The following PPP4R3B variants were observed in gnomAD, a reference collection of about 807,000 sequenced individuals.
The protein encoded by PPP4R3B is protein phosphatase 4 regulatory subunit 3B.
Under a neutral mutation model 95.4 loss-of-function variants are expected in PPP4R3B, and 52 were observed. That is an observed-to-expected ratio of 0.54 (90% CI 0.44 to 0.69). The LOEUF is 0.69. Ranked by LOEUF, PPP4R3B falls within the 30% of genes least tolerant of loss-of-function variation. The probability of loss-of-function intolerance (pLI) is 0.00; values close to 1 mark genes in which losing one functional copy is unlikely to be tolerated. For synonymous variants in PPP4R3B, 407 were observed against 343.9 expected, an observed-to-expected ratio of 1.18 and a Z score of -2.03; for missense variants, 1,003 against 1,005.9, an observed-to-expected ratio of 1.00 and a Z score of 0.04.
chr2:55,581,447 C>A (rs1689431692), intron 8 of PPP4R3B, 120 bp downstream of exon 8: 1 of 1,015,504 alleles, frequency 9.8e-7, no homozygotes. Flanking sequence ...TATAAGAATA[C>A]CACTGCTACT....
intron 6 of PPP4R3B, 77 bp downstream of exon 6, chr2:55,586,541 A>G: frequency 1.3e-6 from 1 of 764,990 alleles, no homozygotes; most frequent in East Asian, 2.5e-5. Context: ...ATACATTATT[A>G]TATATTTTCC....
At chr2:55,565,093 G>C (rs1687117234) in intron 13 of PPP4R3B, 52 bp from the exon 14 acceptor site, 1 of 1,396,190 alleles carries the variant, frequency 7.2e-7, no homozygotes, top group South Asian at 1.5e-5. Context: ...CTTGTTAGAA[G>C]AAAAACTTTA....
intron 4 of PPP4R3B, among the ~76,000 whole-genome samples, chr2:55,596,945 C>T (rs946304460): frequency 6.6e-6 from 1 of 152,082 alleles, no homozygotes; most frequent in African/African-American, 2.4e-5. Context: ...GCTTGGGCAA[C>T]AAGAGTGAAA....
At chr2:55,603,266 T>C (rs1228790542) in intron 3 of PPP4R3B, among the ~76,000 whole-genome samples, 2 of 152,118 alleles carry the variant, frequency 1.3e-5, no homozygotes, top group Non-Finnish European at 1.5e-5. Context: ...CAAATACACT[T>C]ATATCCAAGA....
In PPP4R3B at chr2:55,600,557, G is replaced by C. The variant is rs146353639; in HGVS notation, c.298-1518C>G. On this transcript the variant is annotated intron_variant, in intron 3 of 16. Transcript: ENST00000616407. The stretch of plus-strand genomic sequence containing the variant: ...GTAATGACTTCCCAGAACTGAAAAA[G>C]TAAAACATGAGATATGATTTTGTGA... Among the ~76,000 whole-genome samples the C allele has an allele frequency of 7.9e-3, 1,147 of 145,420 alleles. 18 individuals carry two copies. The highest frequency in any genetic ancestry group is 0.058 in the South Asian group (254 of 4,398).
chr2:55,604,815 C>T (rs985508240), intron 2 of PPP4R3B, among the ~76,000 whole-genome samples: 3 of 151,950 alleles, frequency 2.0e-5, no homozygotes, highest in Non-Finnish European at 4.4e-5. Context: ...CACACACACA[C>T]ATACACACAA....
chr2:55,570,130 G>C (rs188105351), intron 12 of PPP4R3B, among the ~76,000 whole-genome samples: 2 of 152,226 alleles, frequency 1.3e-5, no homozygotes, highest in African/African-American at 4.8e-5. Flanking sequence ...GGCGCCTGTA[G>C]TCCCAGCTAC....
At position 55,610,546 on chromosome 2, in the gene PPP4R3B, T is replaced by C. The variant is rs145828677; in HGVS notation, c.198+4905A>G. ...AGTTTTTCTTAATGATTCCAGCTTA[T>C]ATTAACCTCTTCCTTAATTTTCTAC... On this transcript the variant is annotated intron_variant, in intron 2 of 16. Transcript: ENST00000616407. 6.6e-5 allele frequency among the ~76,000 whole-genome samples: 10 copies of C among 152,340 alleles called. No homozygotes were observed. The East Asian group carries it at 1.5e-3, about 24-fold the overall frequency.
chr2:55,568,477 CTG>C (rs1687583245), intron 12 of PPP4R3B, 114 bp from the exon 13 acceptor site: 3 of 826,288 alleles, frequency 3.6e-6, no homozygotes, highest in Non-Finnish European at 3.4e-6. Flanking sequence ...AAAAGTAAAA[CTG>C]TGTATAAAGT....
chr2:55,567,155 T>C lies in PPP4R3B; in HGVS notation c.1935+1039A>G, dbSNP rs1041541122. ...ATCTGTTGCATTCCTGTTATTCACA[T>C]AGACTGCCCTCCAGATTGTTTATGA... is the stretch of plus-strand genomic sequence containing the variant. On this transcript the variant is annotated intron_variant, in intron 13 of 16. Coordinates refer to ENST00000616407, the MANE Select transcript of PPP4R3B (RefSeq NM_001122964.3). Among the ~76,000 whole-genome samples, 6 of 152,344 alleles carry C rather than the reference T, an allele frequency of 3.9e-5. 1 individual carries two copies. Among genetic ancestry groups the C allele is most frequent in the African/African-American group, 1.4e-4 (6 of 41,586 alleles).
At chr2:55,606,765 G>T (rs1344646307) in intron 2 of PPP4R3B, among the ~76,000 whole-genome samples, 1 of 148,598 alleles carries the variant, frequency 6.7e-6, no homozygotes, top group Non-Finnish European at 1.5e-5. Context: ...GGAGATTTCA[G>T]TGAGCGAGAT....
chr2:55,603,792 A>C (rs1053836893), intron 3 of PPP4R3B, among the ~76,000 whole-genome samples, 186 bp downstream of exon 3: 4 of 152,252 alleles, frequency 2.6e-5, no homozygotes, highest in Admixed American at 2.6e-4. Context: ...AAAGTATGAC[A>C]AAGTTGTTTT....
chr2:55,562,052 C>A (rs1574695135), intron 15 of PPP4R3B, among the ~76,000 whole-genome samples: 1 of 152,142 alleles, frequency 6.6e-6, no homozygotes, highest in East Asian at 1.9e-4. Context: ...GAGGAGATGA[C>A]TGAATCATGG....
chr2:55,610,869 G>GTTT lies in PPP4R3B; in HGVS notation c.198+4579_198+4581dup, dbSNP rs11413034. On this transcript the variant is annotated intron_variant, in intron 2 of 16. Transcript: ENST00000616407. Reference sequence around the variant, plus strand: ...ATAGGTACACATTCTTATGACTCTGGTTTTTTTTTTTTTTTTGAGAGAGTC... The same window carrying GTTT: ...ATAGGTACACATTCTTATGACTCTGGTTTTTTTTTTTTTTTTTTTGAGAGAGTC... Among the ~76,000 whole-genome samples the GTTT allele has an allele frequency of 1.5e-3, 204 of 140,444 alleles. 4 individuals carry two copies. The highest frequency in any genetic ancestry group is 3.9e-3 in the African/African-American group (147 of 38,054). The allele number at this position is 140,444 out of a possible 152,430, so 92.1% of individuals were successfully genotyped here.
At chr2:55,617,068 G>A (rs1378715649) in intron 1 of PPP4R3B, 76 bp downstream of exon 1, 5 of 1,481,610 alleles carry the variant, frequency 3.4e-6, no homozygotes, top group African/African-American at 1.4e-5. Flanking sequence ...CAACGGTAAC[G>A]GGCCCAGGGC....
chr2:55,617,442 G>A lies in PPP4R3B; in HGVS notation c.-157C>T. On this transcript the variant is annotated 5_prime_UTR_variant, in exon 1 of 17. Transcript: ENST00000616407. The stretch of plus-strand genomic sequence containing the variant: ...CATGGCTCCAAAGGTTCAGCCGCGA[G>A]AAGGGGTGACAAGAGCCACTGAGGC... The A allele has an allele frequency of 1.1e-6, 1 of 897,570 alleles. No homozygotes were observed. The highest frequency in any genetic ancestry group is 1.6e-6 in the Non-Finnish European group (1 of 644,144). The allele number at this position is 897,570 out of a possible 1,614,324, so 55.6% of individuals were successfully genotyped here.
Position 55,598,937 on chromosome 2 carries a change from G to C in PPP4R3B, c.400C>G (p.Leu134Val), listed in dbSNP as rs1692182000. 2 of 1,614,054 alleles carry C rather than the reference G, an allele frequency of 1.2e-6. No homozygotes were observed. The highest frequency in any genetic ancestry group is 1.1e-5 in the South Asian group (1 of 91,090). Residue 134 changes from leucine (L) to valine (V), a missense_variant, in exon 4 of 17, where the codon CTG becomes GTG. By Grantham distance (32) the Leu-to-Val change is conservative (BLOSUM62 1). Coordinates refer to ENST00000616407, the MANE Select transcript of PPP4R3B (RefSeq NM_001122964.3). ...EMPETSHLID[L>V]PTCELNKLEE... ...AGTTTATTGAGTTCACATGTGGGCA[G>C]GTCAATCAGATGACTAGTTTCAGGC... is the stretch of plus-strand genomic sequence containing the variant.
chr2:55,557,830 T>C (rs1686052860), intron 16 of PPP4R3B, among the ~76,000 whole-genome samples: 1 of 152,172 alleles, frequency 6.6e-6, no homozygotes, highest in African/African-American at 2.4e-5. Context: ...GATGATTTCA[T>C]ATAACATATG....
intron 16 of PPP4R3B, among the ~76,000 whole-genome samples, chr2:55,554,995 T>C (rs963193932): frequency 7.2e-5 from 11 of 152,086 alleles, no homozygotes; most frequent in Admixed American, 2.0e-4. Flanking sequence ...GAAAAGGGTA[T>C]TGTGGCCGGG....
Sources: gnomAD v4.1 joint callset for allele counts (sites outside exome capture counted in the v4.1 genomes callset) on GRCh38, gnomAD v4.1.1 for gene constraint, MANE v1.5 for transcripts, NCBI Gene and HGNC (gene_info 2026-07-23, HGNC 2026-07-21) for gene names.